FHIT: variants seen among roughly 807,000 people sequenced by gnomAD.
FHIT encodes the protein fragile histidine triad diadenosine triphosphatase.
In FHIT, 19 loss-of-function variants were observed where a neutral mutation model predicts 17.9. That is an observed-to-expected ratio of 1.06 (90% CI 0.74 to 1.56). FHIT has a LOEUF of 1.56. Among genes scored for constraint, FHIT ranks in the 40% most tolerant of loss-of-function variants. The pLI, the probability that FHIT is intolerant of heterozygous loss-of-function variation, is 0.00. For synonymous variants in FHIT, 81 were observed against 69.7 expected, an observed-to-expected ratio of 1.16 and a Z score of -0.81; for missense variants, 248 against 189.2, an observed-to-expected ratio of 1.31 and a Z score of -1.82.
intron 4 of FHIT, among the ~76,000 whole-genome samples, chr3:60,730,960 CAAAAAAA>C (rs56078734): frequency 0.49 from 66,602 of 135,786 alleles, 16,646 homozygotes; most frequent in East Asian, 0.8. Context: ...AATAAAAATA[CAAAAAAA>C]AAAAAAAAAA....
chr3:60,470,450 C>T (rs149655098), intron 5 of FHIT, among the ~76,000 whole-genome samples: 3 of 151,994 alleles, frequency 2.0e-5, no homozygotes, highest in African/African-American at 7.2e-5. Context: ...CTGCCCTTCC[C>T]TCTCCTTTCC....
intron 4 of FHIT, among the ~76,000 whole-genome samples, chr3:60,665,145 T>C (rs1255003420): frequency 6.6e-6 from 1 of 152,030 alleles, no homozygotes; most frequent in African/African-American, 2.4e-5. Context: ...TTTTTTGTTA[T>C]GGATAACACA....
intron 5 of FHIT, among the ~76,000 whole-genome samples, chr3:60,497,287 G>A (rs2034339901): frequency 6.6e-6 from 1 of 152,078 alleles, no homozygotes; most frequent in East Asian, 1.9e-4. Context: ...TGACAGGTGG[G>A]GAAGATGAAG....
chr3:60,322,473 C>G (rs1182344462), intron 5 of FHIT, among the ~76,000 whole-genome samples: 2 of 152,172 alleles, frequency 1.3e-5, no homozygotes, highest in African/African-American at 4.8e-5. Context: ...CTTTATATTA[C>G]ATAATCCTTT....
intron 4 of FHIT, among the ~76,000 whole-genome samples, chr3:60,599,684 T>TA (rs5849379): frequency 0.012 from 1,679 of 143,846 alleles, 43 homozygotes; most frequent in African/African-American, 0.038. Flanking sequence ...AAGGACAAGT[T>TA]AAAAAAAAAA....
intron 8 of FHIT, among the ~76,000 whole-genome samples, chr3:59,853,867 A>T (rs1702041337): frequency 6.6e-6 from 1 of 152,186 alleles, no homozygotes; most frequent in Non-Finnish European, 1.5e-5. Flanking sequence ...TCCTGTCATG[A>T]AGACTTAGCA....
At chr3:60,541,029 A>G (rs531811970) in intron 4 of FHIT, among the ~76,000 whole-genome samples, 6 of 152,304 alleles carry the variant, frequency 3.9e-5, no homozygotes, top group African/African-American at 1.4e-4. Flanking sequence ...CAAGGCTTCC[A>G]TAGCTGTCCA....
chr3:60,260,239 G>A (rs1706222521), intron 5 of FHIT, among the ~76,000 whole-genome samples: 1 of 151,752 alleles, frequency 6.6e-6, no homozygotes, highest in Non-Finnish European at 1.5e-5. Flanking sequence ...ACTTCAGGGT[G>A]TACCAATTAA....
At chr3:60,872,415 A>G (rs1354269986) in intron 3 of FHIT, among the ~76,000 whole-genome samples, 1 of 152,104 alleles carries the variant, frequency 6.6e-6, no homozygotes, top group East Asian at 1.9e-4. Context: ...GTAATTAGAT[A>G]TTTCACATCA....
chr3:60,783,196 T>A (rs2064011), intron 4 of FHIT, among the ~76,000 whole-genome samples: 68,416 of 151,894 alleles, frequency 0.45, 16,408 homozygotes, highest in African/African-American at 0.56. Flanking sequence ...GCCCAGGCTC[T>A]CACTGGGTCT....
chr3:60,823,838 G>C (rs1702020335), intron 3 of FHIT, among the ~76,000 whole-genome samples: 1 of 152,190 alleles, frequency 6.6e-6, no homozygotes, highest in Admixed American at 6.5e-5. Context: ...GGGAAGATTT[G>C]AGGTGCAGGG....
chr3:61,147,758 T>G (rs1234413663), intron 2 of FHIT, among the ~76,000 whole-genome samples: 1 of 151,828 alleles, frequency 6.6e-6, no homozygotes, highest in Non-Finnish European at 1.5e-5. Context: ...AGCAGAAAAA[T>G]AAATGAAGTA....
chr3:60,007,767 G>C (rs1699981121), intron 7 of FHIT, among the ~76,000 whole-genome samples: 1 of 152,146 alleles, frequency 6.6e-6, no homozygotes, highest in African/African-American at 2.4e-5. Context: ...TAATAAATTG[G>C]GGAAAACTTA....
At chr3:59,986,540 T>TATATATATACACACACAC (rs1473518719) in intron 7 of FHIT, among the ~76,000 whole-genome samples, 2 of 12,438 alleles carry the variant, frequency 1.6e-4, no homozygotes, top group Non-Finnish European at 2.7e-4. Context: ...TATATATATA[T>TATATATATACACACACAC]ACACACACAC....
chr3:59,965,718 A>G (rs1291103440), intron 7 of FHIT, among the ~76,000 whole-genome samples: 2 of 152,170 alleles, frequency 1.3e-5, no homozygotes, highest in African/African-American at 4.8e-5. Flanking sequence ...ATTAAGCCCA[A>G]TTTCTAGCCT....
At chr3:60,001,838 G>C (rs1699740962) in intron 7 of FHIT, among the ~76,000 whole-genome samples, 1 of 152,124 alleles carries the variant, frequency 6.6e-6, no homozygotes, top group African/African-American at 2.4e-5. Context: ...TATACTGCTA[G>C]AACCTGATTA....
At chr3:60,437,410 T>C (rs1423301629) in intron 5 of FHIT, among the ~76,000 whole-genome samples, 1 of 152,106 alleles carries the variant, frequency 6.6e-6, no homozygotes, top group Non-Finnish European at 1.5e-5. Context: ...GTCAGGCACT[T>C]AACTTAGAGA....
At chr3:60,331,493 A>G (rs1390451199) in intron 5 of FHIT, among the ~76,000 whole-genome samples, 1 of 152,150 alleles carries the variant, frequency 6.6e-6, no homozygotes, top group Non-Finnish European at 1.5e-5. Context: ...CTCTGCCCTC[A>G]TGCCTGCCCT....
chr3:59,978,230 C>T (rs563261085), intron 7 of FHIT, among the ~76,000 whole-genome samples: 3 of 152,052 alleles, frequency 2.0e-5, no homozygotes, highest in Non-Finnish European at 4.4e-5. Flanking sequence ...ATTCCAAAGC[C>T]TGTATGTTTT....
Sources: allele counts gnomAD v4.1 joint callset (sites outside exome capture counted in the v4.1 genomes callset), GRCh38; gene constraint gnomAD v4.1.1; transcripts MANE v1.5; gene names NCBI Gene and HGNC (gene_info 2026-07-23, HGNC 2026-07-21).